The following SMARCD3 variants were observed in gnomAD, a reference collection of about 807,000 sequenced individuals.
The protein encoded by SMARCD3 is SWI/SNF related BAF chromatin remodeling complex subunit D3.
Under a neutral mutation model 58.0 loss-of-function variants are expected in SMARCD3, and 14 were observed. The ratio of observed to expected loss-of-function variants is 0.24; its 90% CI spans 0.16 to 0.38. The LOEUF (loss-of-function observed/expected upper bound fraction) is 0.38. SMARCD3 is among the 10% of genes least tolerant of loss of function. SMARCD3 has a pLI of 1.00. For missense variants in SMARCD3, 408 were observed against 636.9 expected (o/e 0.64, Z 3.87); for synonymous variants, 253 against 253.8 (o/e 1.00, Z 0.03).
At chr7:151,244,621 G>A (rs759287716) in intron 2 of SMARCD3, among the ~76,000 whole-genome samples, 12 of 152,134 alleles carry the variant, frequency 7.9e-5, no homozygotes, top group Non-Finnish European at 1.6e-4. Flanking sequence ...ATAAATCAGG[G>A]AATTACCATT....
At chr7:151,252,347 CT>C (rs1219026191), upstream of SMARCD3, among the ~76,000 whole-genome samples, 2 of 152,024 alleles carry the variant, frequency 1.3e-5, no homozygotes, top group Non-Finnish European at 2.9e-5. Context: ...CCTCTATTCC[CT>C]TTTCCCTACA....
At chr7:151,253,645 C>T (rs143324648), upstream of SMARCD3, among the ~76,000 whole-genome samples, 687 of 152,244 alleles carry the variant, frequency 4.5e-3, 5 homozygotes, top group Non-Finnish European at 7.7e-3. Context: ...ATTTTGGATT[C>T]ACAGCAGGTT....
intron 2 of SMARCD3, among the ~76,000 whole-genome samples, chr7:151,264,083 T>A (rs1434292757): frequency 1.4e-5 from 2 of 139,292 alleles, no homozygotes; most frequent in Non-Finnish European, 3.1e-5. Flanking sequence ...TTTTGAGACA[T>A]AGTCTCACTC....
At chr7:151,275,598 T>C (rs563343678) in intron 1 of SMARCD3, among the ~76,000 whole-genome samples, 2 of 152,136 alleles carry the variant, frequency 1.3e-5, no homozygotes, top group South Asian at 4.1e-4. Context: ...GAGCTGGGCA[T>C]TGGAGGCAAA....
At chr7:151,251,829 G>T (rs1411001583), upstream of SMARCD3, among the ~76,000 whole-genome samples, 1 of 150,856 alleles carries the variant, frequency 6.6e-6, no homozygotes, top group South Asian at 2.1e-4. Flanking sequence ...CGCAGGGAGA[G>T]ATGCGCCGCG....
intron 1 of SMARCD3, among the ~76,000 whole-genome samples, chr7:151,275,866 C>T (rs1795323281): frequency 6.6e-6 from 1 of 152,110 alleles, no homozygotes; most frequent in African/African-American, 2.4e-5. Flanking sequence ...GACGGTGGGG[C>T]ATGGGAGCTA....
rs771378283 is a variant in SMARCD3, at chr7:151,242,839, C to T, written c.338G>A (p.Arg113Gln). Residue 113 changes from arginine (R) to glutamine (Q), a missense_variant, in exon 4 of 13, where the codon CGG (arginine) becomes CAG (glutamine). Physicochemically the swap from Arg to Gln is conservative, Grantham distance 43. Around this residue, in one of 4 missense-constraint regions of SMARCD3, gnomAD observed 128 missense variants for 188.8 expected, o/e 0.68. Coordinates refer to ENST00000262188, the MANE Select transcript of SMARCD3 (RefSeq NM_001003801.2). This position sits in a 1 kb window ranked among gnomAD's most constrained non-coding sequence, Gnocchi z 4.7. Reference protein sequence around the residue: ...MADKILPQRIRELVPESQAYM... With the variant: ...MADKILPQRIQELVPESQAYM... ...AGCCTGGGACTCGGGGACCAGCTCC[C>T]GAATCTGGAGAAGGAGGAGCAGGGC... 1.4e-5 allele frequency: 23 copies of T among 1,613,940 alleles called. No homozygotes were observed. The highest frequency in any genetic ancestry group is 5.0e-5 in the Admixed American group (3 of 59,996).
At chr7:151,269,228 C>T (rs1441647851) in intron 2 of SMARCD3, among the ~76,000 whole-genome samples, 1 of 152,222 alleles carries the variant, frequency 6.6e-6, no homozygotes, top group Non-Finnish European at 1.5e-5. Flanking sequence ...CTGCTTCCTG[C>T]TGGGCAGAGT....
upstream of SMARCD3, among the ~76,000 whole-genome samples, chr7:151,253,205 C>G (rs145178716): frequency 1.3e-5 from 2 of 152,152 alleles, no homozygotes; most frequent in Non-Finnish European, 2.9e-5. Context: ...AGACCCGCAC[C>G]GAGTGAGTGG....
chr7:151,239,651 C>T lies in SMARCD3; in HGVS notation c.1269G>A (p.Leu423=). ...TGAGGTCCCGGCTCTGGGAGCGGAG[C>T]AGGTCTTGGACATAGCCTTTGGGGT... ...SRDPKGYVQD[L]LRSQSRDLKV... The change falls in exon 11 of 13, where the codon CTG becomes CTA. Residue 423 remains leucine, a synonymous_variant. Transcript: ENST00000262188. The surrounding 1 kb of genome is among the most constrained non-coding windows in gnomAD (Gnocchi z 7.0). The T allele has an allele frequency of 5.0e-6, 8 of 1,614,110 alleles. No homozygotes were observed. The highest frequency in any genetic ancestry group is 5.9e-6 in the Non-Finnish European group (7 of 1,180,022).
intron 2 of SMARCD3, among the ~76,000 whole-genome samples, chr7:151,255,385 G>C (rs1254825365): frequency 6.6e-6 from 1 of 152,094 alleles, no homozygotes; most frequent in African/African-American, 2.4e-5. Flanking sequence ...GGTGGGTATG[G>C]CCCCCCATTG....
At position 151,240,229 on chromosome 7, in the gene SMARCD3, C is replaced by T; in HGVS notation, c.1056G>A (p.Gln352=). 1 of 1,614,090 alleles carries T rather than the reference C, an allele frequency of 6.2e-7. No homozygotes were observed. Among genetic ancestry groups the T allele is most frequent in the Non-Finnish European group, 8.5e-7 (1 of 1,180,016 alleles). The change falls in exon 10 of 13, where the codon CAG becomes CAA. Residue 352 remains glutamine (Q), a synonymous_variant. Coordinates refer to ENST00000262188, the MANE Select transcript of SMARCD3 (RefSeq NM_001003801.2). ...NHVISVDPSD[Q]KKTACYDIDV... ...CAATGTCATAGCACGCCGTCTTCTTCTGGTCTGAAGGGTCCACGCTGCCAG... is the reference window on the plus strand; with the variant it reads ...CAATGTCATAGCACGCCGTCTTCTTTTGGTCTGAAGGGTCCACGCTGCCAG...
In SMARCD3 at chr7:151,243,741, A is replaced by T; in HGVS notation, c.291-40T>A. 6.7e-7 allele frequency: 1 copy of T among 1,494,966 alleles called. No homozygotes were observed. Among genetic ancestry groups the T allele is most frequent in the Non-Finnish European group, 9.3e-7 (1 of 1,071,102 alleles). The allele number at this position is 1,494,966 out of a possible 1,614,324, so 92.6% of individuals were successfully genotyped here. On this transcript the variant is annotated intron_variant, in intron 2 of 12. Transcript: ENST00000262188. The surrounding 1 kb of genome is among the most constrained non-coding windows in gnomAD (Gnocchi z 4.4). ...AAGAAAAAACCAGGTTACCATGGCGACAGATCTGGGCGTAACGAGGCCACC... is the reference window on the plus strand; with the variant it reads ...AAGAAAAAACCAGGTTACCATGGCGTCAGATCTGGGCGTAACGAGGCCACC...
At position 151,243,534 on chromosome 7, in the gene SMARCD3, A is replaced by G. The variant is rs548847732; in HGVS notation, c.333+125T>C. The G allele has an allele frequency of 1.4e-6, 1 of 693,218 alleles. No individual in the cohort carries two copies. The highest frequency in any genetic ancestry group is 2.7e-5 in the East Asian group (1 of 37,526). 42.9% of individuals were successfully genotyped at this position (693,218 alleles called of 1,614,324 possible). A position where few individuals can be genotyped will look rare whatever the true frequency, so the allele number is the denominator to read the frequency against. The stretch of plus-strand genomic sequence containing the variant: ...CTGGCCTGCGGAGCCTCACTTATTA[A>G]TGAGCTTTTTTAAACAAAAAGTGAA... On this transcript the variant is annotated intron_variant, in intron 3 of 12. Transcript: ENST00000262188. The surrounding 1 kb of genome is among the most constrained non-coding windows in gnomAD (Gnocchi z 4.4).
chr7:151,254,912 C>T (rs1194773405), intron 2 of SMARCD3, among the ~76,000 whole-genome samples: 1 of 152,192 alleles, frequency 6.6e-6, no homozygotes, highest in African/African-American at 2.4e-5. Context: ...ACAAAAAGTC[C>T]ATCTGCATTT....
At position 151,248,337 on chromosome 7, in the gene SMARCD3, G is replaced by T; in HGVS notation, c.78+148C>A. 1 of 613,964 alleles carries T rather than the reference G, an allele frequency of 1.6e-6. No individual in the cohort carries two copies. 38.0% of individuals were successfully genotyped at this position (613,964 alleles called of 1,614,324 possible). On this transcript the variant is annotated intron_variant, in intron 1 of 12. Transcript: ENST00000262188. This position sits in a 1 kb window ranked among gnomAD's most constrained non-coding sequence, Gnocchi z 6.1. Reference sequence around the variant, plus strand: ...GACGTGTTCGGGTGCCAGGGCGCCAGCACAGTCCCGCGGCCGGGCCGTGGG... The same window carrying T: ...GACGTGTTCGGGTGCCAGGGCGCCATCACAGTCCCGCGGCCGGGCCGTGGG...
chr7:151,270,344 A>G (rs1328330829), intron 2 of SMARCD3, among the ~76,000 whole-genome samples: 1 of 152,162 alleles, frequency 6.6e-6, no homozygotes, highest in Non-Finnish European at 1.5e-5. Context: ...TGAGGCTGAC[A>G]GCACCAAGAG....
At chr7:151,269,067 G>C (rs895849622) in intron 2 of SMARCD3, among the ~76,000 whole-genome samples, 40 of 152,162 alleles carry the variant, frequency 2.6e-4, no homozygotes, top group Non-Finnish European at 4.4e-4. Flanking sequence ...CAGGTGGCAG[G>C]GGGAGACATC....
At chr7:151,240,294 C>T in intron 9 of SMARCD3, 47 bp from the exon 10 acceptor site, 5 of 1,080,736 alleles carry the variant, frequency 4.6e-6, no homozygotes, top group South Asian at 1.4e-5. Context: ...CCCCATACGG[C>T]CCCAGGGCCC....
Sources: allele counts gnomAD v4.1 joint callset (sites outside exome capture counted in the v4.1 genomes callset), GRCh38; gene constraint gnomAD v4.1.1; regional missense constraint gnomAD v4.1.1; non-coding constraint Gnocchi (gnomAD v3.1); transcripts MANE v1.5; gene names NCBI Gene and HGNC (gene_info 2026-07-23, HGNC 2026-07-21).